LACC1: variants seen among roughly 807,000 people sequenced by gnomAD.
LACC1 encodes the protein laccase domain multifunctional purine nucleosidase 1, also known as purine nucleoside phosphorylase LACC1.
In LACC1, 25 loss-of-function variants were observed where a neutral mutation model predicts 34.8. That is an observed-to-expected ratio of 0.72 (90% CI 0.52 to 1.00). The LOEUF is 1.00. LACC1 is among the 50% of genes least tolerant of loss of function. The probability of loss-of-function intolerance (pLI) is 0.00; values close to 1 mark genes in which losing one functional copy is unlikely to be tolerated. For synonymous variants in LACC1, 162 were observed against 168.0 expected (o/e 0.96, Z 0.28); for missense variants, 426 against 511.2 (o/e 0.83, Z 1.61).
In LACC1 at chr13:43,881,087, C is replaced by T; in HGVS notation, c.102C>T (p.His34=). The stretch of plus-strand genomic sequence containing the variant: ...AGACTTTGAATGCTGTCCAATACCA[C>T]CATGCTGCCAAGGCCAAGTTTCTCT... The part of the protein sequence containing the change: ...LLKTLNAVQY[H]HAAKAKFLCI... The change falls in exon 2 of 7, where the codon CAC becomes CAT. Residue 34 remains histidine (H), a synonymous_variant. Transcript: ENST00000325686. The T allele has an allele frequency of 6.2e-7, 1 of 1,614,152 alleles. No individual in the cohort carries two copies. The highest frequency in any genetic ancestry group is 8.5e-7 in the Non-Finnish European group (1 of 1,180,002).
intron 6 of LACC1, among the ~76,000 whole-genome samples, chr13:43,891,238 TA>T (rs1468419555): frequency 6.6e-6 from 1 of 152,232 alleles, no homozygotes; most frequent in Non-Finnish European, 1.5e-5. Context: ...TATACAAAAA[TA>T]TTTCATGGCA....
In LACC1 at chr13:43,892,911, G is replaced by A. The variant is rs1053812984; in HGVS notation, c.*1464G>A. ...CTGTTCTATAGGCAGTGGTCATTGA[G>A]TCAGCTTTCAGTGCATTAGGAAGAA... On this transcript the variant is annotated 3_prime_UTR_variant, in exon 7 of 7. Coordinates refer to ENST00000325686, the MANE Select transcript of LACC1 (RefSeq NM_153218.4). 7.2e-5 allele frequency: 11 copies of A among 152,220 alleles called. No individual in the cohort carries two copies. Among genetic ancestry groups the A allele is most frequent in the Admixed American group, 5.9e-4 (9 of 15,270 alleles). 9.4% of individuals were successfully genotyped at this position (152,220 alleles called of 1,614,324 possible). A position where few individuals can be genotyped will look rare whatever the true frequency, so the allele number is the denominator to read the frequency against.
chr13:43,883,031 G>A (rs1287261420), intron 3 of LACC1, among the ~76,000 whole-genome samples: 1 of 152,152 alleles, frequency 6.6e-6, no homozygotes, highest in African/African-American at 2.4e-5. Context: ...ACTTCTTTGG[G>A]ATGTGGGAGG....
chr13:43,890,479 G>A (rs1389169366), intron 6 of LACC1, among the ~76,000 whole-genome samples: 1 of 151,924 alleles, frequency 6.6e-6, no homozygotes, highest in Non-Finnish European at 1.5e-5. Flanking sequence ...TGGTAGCAAC[G>A]TTCATTTCCA....
rs1241383448 is a variant in LACC1 at position 43,892,557 on chromosome 13, T to G, written c.*1110T>G. 6.6e-6 allele frequency: 1 copy of G among 152,028 alleles called. No individual in the cohort carries two copies. The highest frequency in any genetic ancestry group is 1.5e-5 in the Non-Finnish European group (1 of 67,976). 9.4% of individuals were successfully genotyped at this position (152,028 alleles called of 1,614,324 possible). On this transcript the variant is annotated 3_prime_UTR_variant, in exon 7 of 7. Coordinates refer to ENST00000325686, the MANE Select transcript of LACC1 (RefSeq NM_153218.4). ...ATAATGAGTTTGACTTTACATAGAA[T>G]GAAGGGCATCCAGATAGAAATCTTT...
intron 4 of LACC1, among the ~76,000 whole-genome samples, chr13:43,884,650 A>G (rs1955230134): frequency 6.6e-6 from 1 of 152,194 alleles, no homozygotes; most frequent in Admixed American, 6.5e-5. Flanking sequence ...GTATTTTAAA[A>G]TAGTATTTTA....
chr13:43,882,058 G>A, intron 2 of LACC1, 127 bp from the exon 3 acceptor site: 1 of 639,504 alleles, frequency 1.6e-6, no homozygotes, highest in Non-Finnish European at 2.6e-6. Context: ...AACATATGGA[G>A]GTACAAAATG....
intron 1 of LACC1, among the ~76,000 whole-genome samples, chr13:43,880,498 A>G (rs1954955020): frequency 1.3e-5 from 2 of 152,220 alleles, no homozygotes; most frequent in African/African-American, 4.8e-5. Flanking sequence ...CTCAGCTTTT[A>G]TCATCTTAAA....
In LACC1 at chr13:43,881,118, A is replaced by G; in HGVS notation, c.133A>G (p.Met45Val). 3.7e-6 allele frequency: 6 copies of G among 1,614,196 alleles called. 1 individual carries two copies. The South Asian group carries it at 5.5e-5, about 15-fold the overall frequency. ...TGCCAAGGCCAAGTTTCTCTGTATA[A>G]TGTGTTGCAGTAACATCAGCTATGA... is the stretch of plus-strand genomic sequence containing the variant. ...HAAKAKFLCI[M>V]CCSNISYERD... The change falls in exon 2 of 7, where the codon ATG becomes GTG. Residue 45 changes from methionine (M) to valine (V), a missense_variant. Around this residue, in one of 2 missense-constraint regions of LACC1, gnomAD observed 217 missense variants for 210.9 expected, o/e 1.03. Transcript: ENST00000325686.
chr13:43,886,591 G>A (rs1461509778), intron 4 of LACC1, among the ~76,000 whole-genome samples: 2 of 152,116 alleles, frequency 1.3e-5, no homozygotes, highest in African/African-American at 2.4e-5. Context: ...GGACATGGGG[G>A]CTTACTTAAG....
At position 43,893,482 on chromosome 13, in the gene LACC1, G is replaced by A. The variant is rs1955640499; in HGVS notation, c.*2035G>A. Reference sequence around the variant, plus strand: ...TATTCATACATTCAGTGAAAATTTTGTTGAGGTACTGGGACAGGTTAAAAA... The same window carrying A: ...TATTCATACATTCAGTGAAAATTTTATTGAGGTACTGGGACAGGTTAAAAA... On this transcript the variant is annotated 3_prime_UTR_variant, in exon 7 of 7. Coordinates refer to ENST00000325686, the MANE Select transcript of LACC1 (RefSeq NM_153218.4). 6.6e-6 allele frequency: 1 copy of A among 151,890 alleles called. No homozygotes were observed. The highest frequency in any genetic ancestry group is 2.1e-4 in the South Asian group (1 of 4,832). 9.4% of individuals were successfully genotyped at this position (151,890 alleles called of 1,614,324 possible). A position where few individuals can be genotyped will look rare whatever the true frequency, so the allele number is the denominator to read the frequency against.
chr13:43,893,832 A>G lies in LACC1; in HGVS notation c.*2385A>G, dbSNP rs933367809. 2 of 152,110 alleles carry G rather than the reference A, an allele frequency of 1.3e-5. No homozygotes were observed. The highest frequency in any genetic ancestry group is 2.9e-5 in the Non-Finnish European group (2 of 67,854). The allele number at this position is 152,110 out of a possible 1,614,324, so 9.4% of individuals were successfully genotyped here. A position where few individuals can be genotyped will look rare whatever the true frequency, so the allele number is the denominator to read the frequency against. ...ATTTTCTAATTCTTCACTGTGCATT[A>G]TTTTGTTTGAAGTTGGTAAATTTGG... On this transcript the variant is annotated 3_prime_UTR_variant, in exon 7 of 7. Coordinates refer to ENST00000325686, the MANE Select transcript of LACC1 (RefSeq NM_153218.4).
intron 6 of LACC1, 95 bp downstream of exon 6, chr13:43,890,369 T>C (rs1955520841): frequency 5.1e-6 from 5 of 980,188 alleles, no homozygotes; most frequent in South Asian, 2.0e-5. Flanking sequence ...TTTTAGCCTA[T>C]TCCTCCCCTT....
Position 43,891,617 on chromosome 13 carries a change from T to C in LACC1, c.*170T>C. ...AAGCCAAATGATTTTCATTTAATTGTAATAATAACTGACAAAAATCAGTAT... is the reference window on the plus strand; with the variant it reads ...AAGCCAAATGATTTTCATTTAATTGCAATAATAACTGACAAAAATCAGTAT... On this transcript the variant is annotated 3_prime_UTR_variant, in exon 7 of 7. Coordinates refer to ENST00000325686, the MANE Select transcript of LACC1 (RefSeq NM_153218.4). 1 of 773,468 alleles carries C rather than the reference T, an allele frequency of 1.3e-6. No homozygotes were observed. The highest frequency in any genetic ancestry group is 1.6e-6 in the Non-Finnish European group (1 of 636,780). 47.9% of individuals were successfully genotyped at this position (773,468 alleles called of 1,614,324 possible).
intron 1 of LACC1, among the ~76,000 whole-genome samples, chr13:43,880,466 T>C (rs1654332455): frequency 6.6e-6 from 1 of 152,212 alleles, no homozygotes; most frequent in African/African-American, 2.4e-5. Flanking sequence ...GCGCAAATCC[T>C]GAAGGGAACT....
At chr13:43,884,382 G>A (rs1830445901) in intron 4 of LACC1, among the ~76,000 whole-genome samples, 1 of 152,060 alleles carries the variant, frequency 6.6e-6, no homozygotes, top group African/African-American at 2.4e-5. Flanking sequence ...CACTCCCTAG[G>A]GGAGTGGTAC....
chr13:43,888,753 C>T lies in LACC1; in HGVS notation c.908-4C>T. The T allele has an allele frequency of 6.2e-7, 1 of 1,609,510 alleles. No individual in the cohort carries two copies. The highest frequency in any genetic ancestry group is 8.5e-7 in the Non-Finnish European group (1 of 1,176,216). Reference sequence around the variant, plus strand: ...TCTTATCTCTTTTTATTCCTATTTACCAGGTTGGAAAGGTACTTTGTTGGG... The same window carrying T: ...TCTTATCTCTTTTTATTCCTATTTATCAGGTTGGAAAGGTACTTTGTTGGG... On this transcript the variant is annotated splice_polypyrimidine_tract_variant and splice_region_variant and intron_variant, in intron 4 of 6. Coordinates refer to ENST00000325686, the MANE Select transcript of LACC1 (RefSeq NM_153218.4).
rs751655825 is a variant in LACC1 at position 43,883,784 on chromosome 13, A to G, written c.755A>G (p.Asn252Ser). ...KFYRIKTHHS[N>S]DIWIMGRKEP... The stretch of plus-strand genomic sequence containing the variant: ...TTTTGGTATTAGACTCATCATTCCA[A>G]TGACATCTGGATTATGGGAAGAAAG... Residue 252 changes from asparagine to serine, a missense_variant, in exon 4 of 7, where the codon AAT becomes AGT. By Grantham distance (46) the Asn-to-Ser change is conservative (BLOSUM62 1). Around this residue, in one of 2 missense-constraint regions of LACC1, gnomAD observed 209 missense variants for 300.3 expected, o/e 0.70. Transcript: ENST00000325686. 3 of 1,610,390 alleles carry G rather than the reference A, an allele frequency of 1.9e-6. No homozygotes were observed. The highest frequency in any genetic ancestry group is 1.7e-4 in the Middle Eastern group (1 of 6,036).
chr13:43,886,252 C>G (rs1171658548), intron 4 of LACC1, among the ~76,000 whole-genome samples: 1 of 152,200 alleles, frequency 6.6e-6, no homozygotes, highest in East Asian at 1.9e-4. Context: ...AATCCCATTA[C>G]TGGGTATATA....
Sources: allele counts gnomAD v4.1 joint callset (sites outside exome capture counted in the v4.1 genomes callset), GRCh38; gene constraint gnomAD v4.1.1; regional missense constraint gnomAD v4.1.1; transcripts MANE v1.5; gene names NCBI Gene and HGNC (gene_info 2026-07-23, HGNC 2026-07-21).